The following MELK variants were observed in gnomAD, a reference collection of about 807,000 sequenced individuals.
MELK encodes the protein pEg3 kinase.
Under a neutral mutation model 85.0 loss-of-function variants are expected in MELK, and 81 were observed. That is an observed-to-expected ratio of 0.95 (90% CI 0.80 to 1.15). MELK has a LOEUF of 1.15. Ranked by LOEUF, MELK falls within the 50% of genes most tolerant of loss-of-function variation. The pLI is 0.00. For synonymous variants in MELK, 252 were observed against 265.0 expected, an observed-to-expected ratio of 0.95 and a Z score of 0.48; for missense variants, 754 against 777.5, an observed-to-expected ratio of 0.97 and a Z score of 0.36.
chr9:36,608,410 A>G (rs1456545664), intron 8 of MELK, among the ~76,000 whole-genome samples: 1 of 144,932 alleles, frequency 6.9e-6, no homozygotes, highest in Non-Finnish European at 1.5e-5. Flanking sequence ...AACTTTATCA[A>G]ACTTGTGTAT....
intron 8 of MELK, among the ~76,000 whole-genome samples, chr9:36,607,955 T>TTG (rs1305733487): frequency 5.3e-5 from 8 of 152,080 alleles, no homozygotes; most frequent in African/African-American, 1.9e-4. Flanking sequence ...ATTGGTGAGT[T>TTG]TGTGTAATAC....
intron 8 of MELK, among the ~76,000 whole-genome samples, chr9:36,629,048 G>C (rs1365467814): frequency 6.6e-6 from 1 of 151,354 alleles, no homozygotes; most frequent in Non-Finnish European, 1.5e-5. Context: ...TGTATTTTTA[G>C]TAGAAACAAG....
At chr9:36,599,601 T>C in intron 7 of MELK, 115 bp downstream of exon 7, 1 of 630,294 alleles carries the variant, frequency 1.6e-6, no homozygotes, top group Non-Finnish European at 2.7e-6. Flanking sequence ...AATAATCTTG[T>C]TAATCAGAGT....
intron 8 of MELK, among the ~76,000 whole-genome samples, chr9:36,609,750 C>T (rs1442342506): frequency 6.6e-6 from 1 of 152,108 alleles, no homozygotes; most frequent in East Asian, 1.9e-4. Flanking sequence ...CTGTGCCTGG[C>T]CTTCTGAATG....
At chr9:36,616,529 A>G (rs1826828140) in intron 8 of MELK, among the ~76,000 whole-genome samples, 1 of 151,558 alleles carries the variant, frequency 6.6e-6, no homozygotes, top group Non-Finnish European at 1.5e-5. Context: ...AGCTGGGATT[A>G]CAGGCTCCCA....
At chr9:36,579,802 T>C (rs1407268125) in intron 1 of MELK, among the ~76,000 whole-genome samples, 1 of 152,200 alleles carries the variant, frequency 6.6e-6, no homozygotes, top group Non-Finnish European at 1.5e-5. Context: ...TCTATGGTTT[T>C]TAAAAAATAA....
intron 11 of MELK, among the ~76,000 whole-genome samples, chr9:36,644,703 A>G (rs1830068374): frequency 6.6e-6 from 1 of 152,226 alleles, no homozygotes; most frequent in African/African-American, 2.4e-5. Context: ...ATGGAAGACT[A>G]TACTTTAGAT....
At chr9:36,672,672 G>C (rs1832989934) in intron 16 of MELK, among the ~76,000 whole-genome samples, 1 of 151,966 alleles carries the variant, frequency 6.6e-6, no homozygotes, top group African/African-American at 2.4e-5. Flanking sequence ...GTCTTCATTT[G>C]TAAAATCTGG....
At chr9:36,574,041 T>A (rs545597844) in intron 1 of MELK, among the ~76,000 whole-genome samples, 1 of 152,288 alleles carries the variant, frequency 6.6e-6, no homozygotes, top group South Asian at 2.1e-4. Flanking sequence ...AGGCCAGTGT[T>A]CCTAACTTTG....
intron 17 of MELK, 88 bp from the exon 18 acceptor site, chr9:36,677,072 T>C: frequency 8.8e-7 from 1 of 1,137,082 alleles, no homozygotes; most frequent in Non-Finnish European, 1.3e-6. Context: ...AATGGTTCAT[T>C]TCCTCCACTG....
chr9:36,589,793 A>G (rs1472128659), intron 4 of MELK, 141 bp downstream of exon 4: 4 of 608,706 alleles, frequency 6.6e-6, no homozygotes, highest in Non-Finnish European at 1.1e-5. Flanking sequence ...TTTAGATTAA[A>G]TAGATGTATA....
intron 16 of MELK, 82 bp from the exon 17 acceptor site, chr9:36,674,752 G>GT: frequency 1.3e-6 from 1 of 791,072 alleles, no homozygotes; most frequent in Middle Eastern, 3.0e-4. Flanking sequence ...ATATTGAGGA[G>GT]TTTTGGAACT....
At chr9:36,599,591 A>G in intron 7 of MELK, 105 bp downstream of exon 7, 1 of 687,576 alleles carries the variant, frequency 1.5e-6, no homozygotes, top group Non-Finnish European at 2.4e-6. Flanking sequence ...TGAAGTAAGA[A>G]ATAATCTTGT....
chr9:36,599,387 T>C lies in MELK; in HGVS notation c.475-7T>C, dbSNP rs1171382074. 1.7e-5 allele frequency: 27 copies of C among 1,594,058 alleles called. No homozygotes were observed. Among genetic ancestry groups the C allele is most frequent in the Non-Finnish European group, 2.3e-5 (27 of 1,164,294 alleles). On this transcript the variant is annotated splice_region_variant and splice_polypyrimidine_tract_variant and intron_variant, in intron 6 of 17. Coordinates refer to ENST00000298048, the MANE Select transcript of MELK (RefSeq NM_014791.4). ...ATTAATAAGTTTCATTTTTATCTTA[T>C]TGGCAGGGTAACAAGGATTACCATC...
At chr9:36,596,635 G>A (rs1824316051) in intron 5 of MELK, among the ~76,000 whole-genome samples, 1 of 142,486 alleles carries the variant, frequency 7.0e-6, no homozygotes, top group Non-Finnish European at 1.5e-5. Flanking sequence ...TGCCCAGGCT[G>A]GAGTGCAATG....
At chr9:36,636,261 T>C (rs1305059743) in intron 10 of MELK, among the ~76,000 whole-genome samples, 1 of 151,722 alleles carries the variant, frequency 6.6e-6, no homozygotes, top group African/African-American at 2.4e-5. Flanking sequence ...CCTAGCACTT[T>C]GGGAGGCCGA....
At chr9:36,606,955 T>C (rs1038429888) in intron 7 of MELK, 2 of 152,152 alleles carry the variant, frequency 1.3e-5, no homozygotes, top group East Asian at 3.9e-4. Context: ...CGGCTAATTT[T>C]TGTAGTTTTA....
intron 3 of MELK, among the ~76,000 whole-genome samples, chr9:36,585,333 A>T (rs1587328657): frequency 1.0e-5 from 1 of 97,046 alleles, no homozygotes; most frequent in South Asian, 3.7e-4. Context: ...TTTGAGATGG[A>T]GTCTTGCTCT....
chr9:36,607,812 G>A lies in MELK; in HGVS notation c.666+139G>A, dbSNP rs182601181. 12 of 673,514 alleles carry A rather than the reference G, an allele frequency of 1.8e-5. No individual in the cohort carries two copies. In the East Asian group the frequency reaches 2.4e-4, roughly 14 times the overall value. The allele number at this position is 673,514 out of a possible 1,614,324, so 41.7% of individuals were successfully genotyped here. On this transcript the variant is annotated intron_variant, in intron 8 of 17. Transcript: ENST00000298048. Reference sequence around the variant, plus strand: ...AGTCAAAATCTTAGTTATTCTTTGGGAGTGGTTAAGGAGTGGGCTTCTGTT... The same window carrying A: ...AGTCAAAATCTTAGTTATTCTTTGGAAGTGGTTAAGGAGTGGGCTTCTGTT...
Sources: allele counts gnomAD v4.1 joint callset (sites outside exome capture counted in the v4.1 genomes callset), GRCh38; gene constraint gnomAD v4.1.1; transcripts MANE v1.5; gene names NCBI Gene and HGNC (gene_info 2026-07-23, HGNC 2026-07-21).